Variants in DAAM1 observed in about 807,000 individuals in gnomAD.
DAAM1 encodes dishevelled associated activator of morphogenesis 1.
A neutral mutation model predicts 130.0 loss-of-function variants in DAAM1; 52 were observed. The observed-to-expected ratio is 0.40, with a 90% CI of 0.32 to 0.50. DAAM1 has a LOEUF of 0.50. Ranked by LOEUF, DAAM1 falls within the 20% of genes least tolerant of loss-of-function variation. The pLI is 0.61. For synonymous variants in DAAM1, 452 were observed against 444.5 expected, an observed-to-expected ratio of 1.02 and a Z score of -0.21; for missense variants, 1,134 against 1,303.8, an observed-to-expected ratio of 0.87 and a Z score of 2.01.
intron 1 of DAAM1, among the ~76,000 whole-genome samples, chr14:59,203,414 CTG>C (rs1305562985): frequency 1.3e-5 from 2 of 152,072 alleles, no homozygotes; most frequent in Non-Finnish European, 2.9e-5. Flanking sequence ...GGTACACAAA[CTG>C]TATCTCAAAA....
At position 59,193,800 on chromosome 14, in the gene DAAM1, G is replaced by C. The variant is rs547857908; in HGVS notation, c.-38+5032G>C. ...CCTCTGAGTGTCTGGATTATCTTGT[G>C]CTTTCATATCTAGCTCAGGTGCCAC... On this transcript the variant is annotated intron_variant, in intron 1 of 24. Coordinates refer to ENST00000360909, the MANE Select transcript of DAAM1 (RefSeq NM_001270520.2). Among the ~76,000 whole-genome samples the C allele has an allele frequency of 5.3e-5, 8 of 152,270 alleles. No individual in the cohort carries two copies. The East Asian group carries it at 1.5e-3, about 29-fold the overall frequency.
intron 1 of DAAM1, among the ~76,000 whole-genome samples, chr14:59,238,440 AG>A (rs1438351380): frequency 6.6e-6 from 1 of 152,114 alleles, no homozygotes; most frequent in Non-Finnish European, 1.5e-5. Flanking sequence ...GTCTCTCCTC[AG>A]CTAGGTCGTC....
chr14:59,197,122 G>A (rs906615028), intron 1 of DAAM1, among the ~76,000 whole-genome samples: 2 of 152,094 alleles, frequency 1.3e-5, no homozygotes, highest in African/African-American at 4.8e-5. Context: ...GGGTTTCACC[G>A]TGTTAGCCTG....
Position 59,370,318 on chromosome 14 carries a change from A to G in DAAM1, c.*1459A>G, listed in dbSNP as rs1031368706. On this transcript the variant is annotated 3_prime_UTR_variant, in exon 25 of 25. Coordinates refer to ENST00000360909, the MANE Select transcript of DAAM1 (RefSeq NM_001270520.2). ...CTCACTAAATTGAGTTTTTCAGTCA[A>G]TTAACAAATATTTATTAAGTTCCTA... 1 of 151,800 alleles carries G rather than the reference A, an allele frequency of 6.6e-6. No individual in the cohort carries two copies. Among genetic ancestry groups the G allele is most frequent in the Non-Finnish European group, 1.5e-5 (1 of 67,946 alleles). The allele number at this position is 151,800 out of a possible 1,614,324, so 9.4% of individuals were successfully genotyped here. A position where few individuals can be genotyped will look rare whatever the true frequency, so the allele number is the denominator to read the frequency against.
At chr14:59,338,494 GTTTTGT>G (rs1555364260) in intron 15 of DAAM1, 3 of 1,530,018 alleles carry the variant, frequency 2.0e-6, no homozygotes, top group Non-Finnish European at 1.8e-6. Flanking sequence ...GTTATCCAGG[GTTTTGT>G]TTTTGTTTTT....
rs530301215 is a variant in DAAM1 at position 59,263,550 on chromosome 14, G to C, written c.73G>C (p.Glu25Gln). 1 of 1,614,198 alleles carries C rather than the reference G, an allele frequency of 6.2e-7. No individual in the cohort carries two copies. Among genetic ancestry groups the C allele is most frequent in the African/African-American group, 1.3e-5 (1 of 75,042 alleles). ...FCCFRNNDHPEITYRLRNDSN... is the reference protein window; with the variant it reads ...FCCFRNNDHPQITYRLRNDSN... Reference sequence around the variant, plus strand: ...CTGTTTCCGAAATAATGATCACCCAGAAATCACGTATCGGCTGCGAAATGA... The same window carrying C: ...CTGTTTCCGAAATAATGATCACCCACAAATCACGTATCGGCTGCGAAATGA... Residue 25 changes from glutamate (E) to glutamine (Q), a missense_variant, in exon 2 of 25, where the codon GAA becomes CAA. By Grantham distance (29) the Glu-to-Gln change is conservative. Around this residue, in one of 3 missense-constraint regions of DAAM1, gnomAD observed 99 missense variants for 86.4 expected, o/e 1.15. Transcript: ENST00000360909.
intron 4 of DAAM1, among the ~76,000 whole-genome samples, chr14:59,319,206 G>C (rs1217785987): frequency 6.6e-6 from 1 of 152,134 alleles, no homozygotes; most frequent in Non-Finnish European, 1.5e-5. Context: ...CTGTCTGTGA[G>C]CATCACCAGC....
chr14:59,203,158 A>ATTTTTTTT (rs57437992), intron 1 of DAAM1, among the ~76,000 whole-genome samples: 2,330 of 106,524 alleles, frequency 0.022, no homozygotes, highest in Non-Finnish European at 0.03. Context: ...CTTCTGGCTA[A>ATTTTTTTT]TTTTTTTTTT....
chr14:59,235,880 G>A (rs763638112), intron 1 of DAAM1, among the ~76,000 whole-genome samples: 1 of 152,160 alleles, frequency 6.6e-6, no homozygotes, highest in Non-Finnish European at 1.5e-5. Flanking sequence ...CTTTGAAAGA[G>A]TTATGGTGGA....
At position 59,263,540 on chromosome 14, in the gene DAAM1, T is replaced by C. The variant is rs775695019; in HGVS notation, c.63T>C (p.Asn21=). The C allele has an allele frequency of 3.7e-6, 6 of 1,614,218 alleles. No individual in the cohort carries two copies. The Admixed American group carries it at 5.0e-5, about 13-fold the overall frequency. ...ISFIFCCFRN[N]DHPEITYRLR... Reference sequence around the variant, plus strand: ...TCATCTTTTGCTGTTTCCGAAATAATGATCACCCAGAAATCACGTATCGGC... The same window carrying C: ...TCATCTTTTGCTGTTTCCGAAATAACGATCACCCAGAAATCACGTATCGGC... Residue 21 remains asparagine (N), a synonymous_variant, in exon 2 of 25, where the codon AAT becomes AAC. Transcript: ENST00000360909.
chr14:59,276,488 T>G (rs1882974269), intron 2 of DAAM1, among the ~76,000 whole-genome samples: 1 of 152,064 alleles, frequency 6.6e-6, no homozygotes, highest in African/African-American at 2.4e-5. Flanking sequence ...CTGGTAGTGT[T>G]GAGTTGTGGG....
In DAAM1 at chr14:59,291,294, T is replaced by C. The variant is rs1156366025; in HGVS notation, c.261T>C (p.Cys87=). The C allele has an allele frequency of 3.0e-5, 49 of 1,607,478 alleles. No homozygotes were observed. In the Admixed American group the frequency reaches 8.0e-4, roughly 26 times the overall value. The change falls in exon 3 of 25, where the codon TGT becomes TGC. Residue 87 remains cysteine (C), a synonymous_variant. Coordinates refer to ENST00000360909, the MANE Select transcript of DAAM1 (RefSeq NM_001270520.2). ...CTGAGAAAAAATGGCAAATATACTG[T>C]AGCAAGAAAAAGGTAAGATTTTCAT... The part of the protein sequence containing the change: ...LPAEKKWQIY[C]SKKKDQEENK...
intron 3 of DAAM1, among the ~76,000 whole-genome samples, chr14:59,307,493 T>G (rs566774176): frequency 6.6e-6 from 1 of 152,350 alleles, no homozygotes; most frequent in South Asian, 2.1e-4. Flanking sequence ...AATTTTAAAC[T>G]TAGAGAATTG....
chr14:59,233,132 A>G (rs746175427), intron 1 of DAAM1, among the ~76,000 whole-genome samples: 12 of 152,168 alleles, frequency 7.9e-5, no homozygotes, highest in Admixed American at 2.0e-4. Flanking sequence ...AGAATGATTT[A>G]TATTCCTTTG....
chr14:59,220,607 A>G (rs888986200), intron 1 of DAAM1, among the ~76,000 whole-genome samples: 1 of 152,202 alleles, frequency 6.6e-6, no homozygotes, highest in Non-Finnish European at 1.5e-5. Context: ...GCCATCTGCC[A>G]TCTGCAAGCT....
At chr14:59,304,939 T>G (rs1404994817) in intron 3 of DAAM1, among the ~76,000 whole-genome samples, 1 of 152,224 alleles carries the variant, frequency 6.6e-6, no homozygotes, top group Admixed American at 6.5e-5. Flanking sequence ...AGCCTTGTGT[T>G]AAACATTATA....
chr14:59,231,663 G>T (rs186441394), intron 1 of DAAM1, among the ~76,000 whole-genome samples: 1 of 152,114 alleles, frequency 6.6e-6, no homozygotes, highest in Non-Finnish European at 1.5e-5. Context: ...GATCCTCACT[G>T]TATAACATGC....
At chr14:59,292,859 C>T (rs1056578001) in intron 3 of DAAM1, among the ~76,000 whole-genome samples, 1 of 152,184 alleles carries the variant, frequency 6.6e-6, no homozygotes. Flanking sequence ...CTCTCCTCTT[C>T]TGCCATTTCT....
intron 2 of DAAM1, among the ~76,000 whole-genome samples, chr14:59,268,999 G>A (rs949521166): frequency 6.6e-6 from 1 of 152,142 alleles, no homozygotes; most frequent in Non-Finnish European, 1.5e-5. Context: ...AGCAATAGAC[G>A]ATTTCCCTTG....
Sources: allele counts gnomAD v4.1 joint callset (sites outside exome capture counted in the v4.1 genomes callset), GRCh38; gene constraint gnomAD v4.1.1; regional missense constraint gnomAD v4.1.1; transcripts MANE v1.5; gene names NCBI Gene and HGNC (gene_info 2026-07-23, HGNC 2026-07-21).